NEK11: variants seen among roughly 807,000 people sequenced by gnomAD.
The protein encoded by NEK11 is serine/threonine-protein kinase Nek11.
In NEK11, 72 loss-of-function variants were observed where a neutral mutation model predicts 80.7. The ratio of observed to expected loss-of-function variants is 0.89; its 90% CI spans 0.74 to 1.08. The LOEUF (loss-of-function observed/expected upper bound fraction) is 1.08, where lower values mean the gene tolerates loss of function less well. Ranked by LOEUF, NEK11 falls within the 50% of genes least tolerant of loss-of-function variation. NEK11 has a pLI of 0.00. For missense variants in NEK11, 764 were observed against 763.6 expected, an observed-to-expected ratio of 1.00 and a Z score of -0.01; for synonymous variants, 251 against 260.7, an observed-to-expected ratio of 0.96 and a Z score of 0.36.
At chr3:131,275,745 G>C (rs1442442366) in intron 17 of NEK11, among the ~76,000 whole-genome samples, 1 of 152,204 alleles carries the variant, frequency 6.6e-6, no homozygotes, top group Non-Finnish European at 1.5e-5. Context: ...AGGAAATCTT[G>C]CTGTTCTTTC....
chr3:131,152,514 A>T lies in NEK11; in HGVS notation c.774A>T (p.Lys258Asn), dbSNP rs747231645. The change falls in exon 8 of 18, where the codon AAA becomes AAT. Residue 258 changes from lysine to asparagine, a missense_variant. By Grantham distance (94) the Lys-to-Asn change is moderately conservative (BLOSUM62 0). Coordinates refer to ENST00000383366, the MANE Select transcript of NEK11 (RefSeq NM_024800.5). ...CTTCTCTCCCTGAGAGATATCCAAA[A>T]GAACTAAATGCCATCATGGAAAGGT... ...DTPSLPERYP[K>N]ELNAIMESML... is the part of the protein sequence containing the mutation. The T allele has an allele frequency of 3.7e-6, 6 of 1,613,612 alleles. No homozygotes were observed.
At chr3:131,212,284 A>G (rs1226134057) in intron 14 of NEK11, among the ~76,000 whole-genome samples, 1 of 152,230 alleles carries the variant, frequency 6.6e-6, no homozygotes, top group East Asian at 1.9e-4. Context: ...TTCCCTGGGT[A>G]TCACCAGCGG....
At chr3:131,285,956 A>G (rs1266684803) in intron 17 of NEK11, among the ~76,000 whole-genome samples, 1 of 152,196 alleles carries the variant, frequency 6.6e-6, no homozygotes, top group East Asian at 1.9e-4. Context: ...GTCTTAGACA[A>G]GTCCCTTTAC....
At chr3:131,120,534 T>C (rs779003749) in intron 5 of NEK11, among the ~76,000 whole-genome samples, 5 of 152,186 alleles carry the variant, frequency 3.3e-5, no homozygotes, top group Non-Finnish European at 7.4e-5. Context: ...TGCCTTGCTA[T>C]ATTGGGGAAG....
chr3:131,313,416 A>C (rs147722803), intron 17 of NEK11, among the ~76,000 whole-genome samples: 1 of 152,260 alleles, frequency 6.6e-6, no homozygotes, highest in Non-Finnish European at 1.5e-5. Context: ...ACAATGGTTA[A>C]ACTAATTTAC....
intron 17 of NEK11, among the ~76,000 whole-genome samples, chr3:131,322,087 C>A (rs147375764): frequency 0.013 from 1,951 of 152,292 alleles, 40 homozygotes; most frequent in African/African-American, 0.044. Flanking sequence ...ATGGAATCAA[C>A]CTAGGTGCTC....
intron 3 of NEK11, among the ~76,000 whole-genome samples, chr3:131,069,100 G>T (rs2148897012): frequency 6.6e-6 from 1 of 152,062 alleles, no homozygotes; most frequent in African/African-American, 2.4e-5. Flanking sequence ...TATAAACAAG[G>T]TTAAAGAACT....
chr3:131,245,529 T>C (rs1401847644), intron 16 of NEK11, among the ~76,000 whole-genome samples: 1 of 152,160 alleles, frequency 6.6e-6, no homozygotes, highest in Non-Finnish European at 1.5e-5. Context: ...CTATTTTTCA[T>C]ACAGGTTGTA....
intron 7 of NEK11, among the ~76,000 whole-genome samples, chr3:131,149,696 T>C (rs2089238721): frequency 6.6e-6 from 1 of 152,098 alleles, no homozygotes; most frequent in African/African-American, 2.4e-5. Context: ...CTTTCTAATA[T>C]CTGTGGAATC....
chr3:131,114,260 AT>A (rs1356566071), intron 5 of NEK11, among the ~76,000 whole-genome samples: 3 of 151,792 alleles, frequency 2.0e-5, no homozygotes, highest in African/African-American at 7.3e-5. Flanking sequence ...CAAAGGAATG[AT>A]TTTTTTTAGC....
At chr3:131,313,205 T>G (rs2096799200) in intron 17 of NEK11, among the ~76,000 whole-genome samples, 1 of 152,230 alleles carries the variant, frequency 6.6e-6, no homozygotes, top group Non-Finnish European at 1.5e-5. Flanking sequence ...TACCACATTT[T>G]CTTTATCCAT....
chr3:131,158,229 A>G (rs2091015075), intron 10 of NEK11, among the ~76,000 whole-genome samples: 1 of 151,996 alleles, frequency 6.6e-6, no homozygotes, highest in Non-Finnish European at 1.5e-5. Flanking sequence ...TGGAGGAGAG[A>G]TCCAGTAGGG....
intron 9 of NEK11, among the ~76,000 whole-genome samples, chr3:131,153,539 A>G (rs949087537): frequency 2.0e-5 from 3 of 152,132 alleles, no homozygotes; most frequent in African/African-American, 7.2e-5. Context: ...TTTACAATAC[A>G]GGTCCCTGAA....
intron 17 of NEK11, among the ~76,000 whole-genome samples, chr3:131,317,816 G>A (rs965513112): frequency 1.3e-5 from 1 of 79,930 alleles, no homozygotes; most frequent in South Asian, 7.2e-4. Context: ...GAGAGGAGGA[G>A]GGGGAGGGGA....
intron 14 of NEK11, among the ~76,000 whole-genome samples, chr3:131,216,267 T>C (rs2094830131): frequency 6.6e-6 from 1 of 152,210 alleles, no homozygotes; most frequent in African/African-American, 2.4e-5. Flanking sequence ...ATCAGAGTCT[T>C]TTGGTACATA....
intron 17 of NEK11, among the ~76,000 whole-genome samples, chr3:131,323,332 G>GC (rs1234029827): frequency 1.3e-5 from 2 of 152,222 alleles, no homozygotes; most frequent in Non-Finnish European, 2.9e-5. Flanking sequence ...TCTGTCAAGA[G>GC]CAGGTGTCAG....
At chr3:131,326,980 C>T (rs72993123) in intron 17 of NEK11, among the ~76,000 whole-genome samples, 18,128 of 152,182 alleles carry the variant, frequency 0.12, 1,539 homozygotes, top group East Asian at 0.3. Flanking sequence ...CTTTCTTCCC[C>T]TCCAGAGGAC....
chr3:131,340,542 A>G (rs2097268490), intron 17 of NEK11, among the ~76,000 whole-genome samples: 1 of 152,184 alleles, frequency 6.6e-6, no homozygotes, highest in Non-Finnish European at 1.5e-5. Context: ...TTGGAGGATG[A>G]GAGATTGAGT....
rs568093604 is a variant in NEK11, at chr3:131,074,566, T to C, written c.171-5857T>C. On this transcript the variant is annotated intron_variant, in intron 3 of 17. Transcript: ENST00000383366. ...ATAAAGTCATTTTTTAAAAGAGTCA[T>C]ATGCTGATTAACTTTCATAGCCTAT... Among the ~76,000 whole-genome samples, 41 of 152,330 alleles carry C rather than the reference T, an allele frequency of 2.7e-4. No homozygotes were observed. The South Asian group carries it at 5.2e-3, about 19-fold the overall frequency.
Sources: gnomAD v4.1 joint callset for allele counts (sites outside exome capture counted in the v4.1 genomes callset) on GRCh38, gnomAD v4.1.1 for gene constraint, MANE v1.5 for transcripts, NCBI Gene and HGNC (gene_info 2026-07-23, HGNC 2026-07-21) for gene names.